TMEM132C: variants seen among roughly 807,000 people sequenced by gnomAD.
TMEM132C encodes the protein transmembrane protein 132C.
TMEM132C carries 29 observed loss-of-function variants against 61.4 expected under a neutral mutation model. The ratio of observed to expected loss-of-function variants is 0.47; its 90% CI spans 0.35 to 0.64. The LOEUF (loss-of-function observed/expected upper bound fraction) is 0.64. TMEM132C is among the 30% of genes least tolerant of loss of function. The probability of loss-of-function intolerance (pLI) is 0.00; values close to 1 mark genes in which losing one functional copy is unlikely to be tolerated. For missense variants in TMEM132C, 1,408 were observed against 1,476.9 expected, an observed-to-expected ratio of 0.95 and a Z score of 0.76; for synonymous variants, 656 against 633.1, an observed-to-expected ratio of 1.04 and a Z score of -0.54.
At chr12:128,298,017 C>T (rs1210020920) in intron 1 of TMEM132C, among the ~76,000 whole-genome samples, 2 of 152,224 alleles carry the variant, frequency 1.3e-5, no homozygotes, top group African/African-American at 4.8e-5. Context: ...TTTGGTGTGA[C>T]AGCCTGTGGG....
intron 4 of TMEM132C, among the ~76,000 whole-genome samples, chr12:128,644,102 A>G (rs142028793): frequency 6.2e-4 from 95 of 152,244 alleles, no homozygotes; most frequent in Admixed American, 2.7e-3. Flanking sequence ...GGCCAATACC[A>G]AGTGTTGGTG....
intron 1 of TMEM132C, among the ~76,000 whole-genome samples, chr12:128,303,274 A>T (rs1871655401): frequency 6.6e-6 from 1 of 152,234 alleles, no homozygotes; most frequent in African/African-American, 2.4e-5. Context: ...ATCAGTAAAA[A>T]TGAGTCCAAA....
At chr12:128,508,793 G>T (rs1593078990) in intron 2 of TMEM132C, among the ~76,000 whole-genome samples, 1 of 152,232 alleles carries the variant, frequency 6.6e-6, no homozygotes, top group Admixed American at 6.5e-5. Context: ...CCCTCCAGCT[G>T]CTCAGCTTCC....
At chr12:128,681,817 A>ATTTTTTTTTTTTTTTTTT (rs35154554) in intron 5 of TMEM132C, among the ~76,000 whole-genome samples, 8 of 86,480 alleles carry the variant, frequency 9.3e-5, no homozygotes, top group Non-Finnish European at 1.0e-4. Context: ...CCACGCCTGG[A>ATTTTTTTTTTTTTTTTTT]TTTTTTTTTT....
intron 1 of TMEM132C, among the ~76,000 whole-genome samples, chr12:128,350,946 C>T (rs1325407523): frequency 6.6e-6 from 1 of 152,036 alleles, no homozygotes; most frequent in Non-Finnish European, 1.5e-5. Context: ...AATATAATGG[C>T]AGGACCCCAG....
chr12:128,549,676 C>T (rs577875312), intron 3 of TMEM132C, among the ~76,000 whole-genome samples: 20 of 152,234 alleles, frequency 1.3e-4, no homozygotes, highest in African/African-American at 4.8e-4. Context: ...CCGTGTCGTG[C>T]TCAGCATAGG....
chr12:128,462,208 C>T (rs991837849), intron 2 of TMEM132C, among the ~76,000 whole-genome samples: 33 of 152,184 alleles, frequency 2.2e-4, no homozygotes, highest in Admixed American at 2.0e-3. Flanking sequence ...TGGGTTCAAG[C>T]AATTTTCCCT....
chr12:128,409,348 A>G (rs575742361), intron 1 of TMEM132C, among the ~76,000 whole-genome samples: 2 of 152,248 alleles, frequency 1.3e-5, no homozygotes, highest in East Asian at 1.9e-4. Flanking sequence ...GTATTCAGCA[A>G]CTTAGCCAGC....
intron 8 of TMEM132C, among the ~76,000 whole-genome samples, chr12:128,700,688 C>T (rs1023197929): frequency 6.6e-6 from 1 of 152,068 alleles, no homozygotes. Flanking sequence ...CCTGCATGTT[C>T]TCCCAAGCCT....
At chr12:128,416,492 A>G (rs146340088) in intron 2 of TMEM132C, among the ~76,000 whole-genome samples, 1,849 of 152,364 alleles carry the variant, frequency 0.012, 19 homozygotes, top group Non-Finnish European at 0.019. Flanking sequence ...GTTAAGAAGG[A>G]GTTAGGTTGT....
At chr12:128,452,901 A>G (rs1421822166) in intron 2 of TMEM132C, among the ~76,000 whole-genome samples, 9 of 152,168 alleles carry the variant, frequency 5.9e-5, no homozygotes, top group Non-Finnish European at 1.0e-4. Flanking sequence ...TCATTTATGA[A>G]GATAATATGA....
intron 2 of TMEM132C, among the ~76,000 whole-genome samples, chr12:128,500,703 C>T (rs1183851400): frequency 6.6e-6 from 1 of 152,088 alleles, no homozygotes; most frequent in Non-Finnish European, 1.5e-5. Flanking sequence ...TGGGAAGAAA[C>T]TGAAACATTC....
chr12:128,476,697 A>G (rs1022913969), intron 2 of TMEM132C, among the ~76,000 whole-genome samples: 1 of 131,250 alleles, frequency 7.6e-6, no homozygotes, highest in Non-Finnish European at 1.8e-5. Flanking sequence ...CAGTACAAGC[A>G]GTCATTTAGG....
chr12:128,486,186 T>C (rs1871486629), intron 2 of TMEM132C, among the ~76,000 whole-genome samples: 2 of 152,118 alleles, frequency 1.3e-5, no homozygotes, highest in African/African-American at 4.8e-5. Flanking sequence ...CGTAGGCACA[T>C]TGGGTTGTTG....
intron 1 of TMEM132C, among the ~76,000 whole-genome samples, chr12:128,357,756 C>T (rs1477914091): frequency 6.6e-6 from 1 of 151,726 alleles, no homozygotes; most frequent in African/African-American, 2.4e-5. Flanking sequence ...CTTCTCCCAG[C>T]CAAGGGTAAG....
At chr12:128,657,397 CAGGA>C (rs1488691277) in intron 4 of TMEM132C, among the ~76,000 whole-genome samples, 1 of 152,036 alleles carries the variant, frequency 6.6e-6, no homozygotes, top group Non-Finnish European at 1.5e-5. Context: ...TTCTTTACTT[CAGGA>C]AGGGAGGCCA....
intron 1 of TMEM132C, among the ~76,000 whole-genome samples, chr12:128,309,058 G>C (rs568180356): frequency 3.9e-5 from 6 of 152,126 alleles, no homozygotes; most frequent in Middle Eastern, 3.4e-3. Context: ...TTGGGGGAGG[G>C]GTGGGGATCA....
At chr12:128,353,754 C>T (rs915589041) in intron 1 of TMEM132C, among the ~76,000 whole-genome samples, 6 of 152,082 alleles carry the variant, frequency 3.9e-5, no homozygotes, top group Admixed American at 1.3e-4. Flanking sequence ...CTCCCGGGTC[C>T]CACTTTCCTC....
chr12:128,370,093 G>A (rs1012285211), intron 1 of TMEM132C, among the ~76,000 whole-genome samples: 6 of 152,020 alleles, frequency 3.9e-5, no homozygotes, highest in Admixed American at 6.5e-5. Flanking sequence ...CCTGCTTATC[G>A]TACACCATTT....
Sources: gnomAD v4.1 joint callset for allele counts (sites outside exome capture counted in the v4.1 genomes callset) on GRCh38, gnomAD v4.1.1 for gene constraint, MANE v1.5 for transcripts, NCBI Gene and HGNC (gene_info 2026-07-23, HGNC 2026-07-21) for gene names.